The following CADPS variants were observed in gnomAD, a reference collection of about 807,000 sequenced individuals.
CADPS encodes calcium-dependent secretion activator 1.
In CADPS, 57 loss-of-function variants were observed where a neutral mutation model predicts 167.3. The ratio of observed to expected loss-of-function variants is 0.34; its 90% CI spans 0.28 to 0.42. CADPS has a LOEUF of 0.42. Among genes scored for constraint, CADPS ranks in the 20% least tolerant of loss-of-function variants. The probability of loss-of-function intolerance (pLI) is 1.00; values close to 1 mark genes in which losing one functional copy is unlikely to be tolerated. For missense variants in CADPS, 1,414 were observed against 1,738.1 expected (o/e 0.81, Z 3.32); for synonymous variants, 676 against 635.3 (o/e 1.06, Z -0.96).
At chr3:62,747,211 A>G (rs899244057) in intron 3 of CADPS, among the ~76,000 whole-genome samples, 1 of 152,248 alleles carries the variant, frequency 6.6e-6, no homozygotes, top group Non-Finnish European at 1.5e-5. Flanking sequence ...ACTACTTCCC[A>G]TCTCCAGATT....
intron 10 of CADPS, chr3:62,550,890 A>T (rs1198224365): frequency 2.2e-6 from 1 of 456,518 alleles, no homozygotes; most frequent in African/African-American, 2.0e-5. Context: ...TGCTTTCTTT[A>T]CTTAGCTTTC....
intron 6 of CADPS, among the ~76,000 whole-genome samples, chr3:62,624,265 C>T (rs972888965): frequency 3.3e-5 from 5 of 152,116 alleles, no homozygotes; most frequent in African/African-American, 1.2e-4. Flanking sequence ...TTGTATCTGA[C>T]TGCTTTGGTA....
intron 1 of CADPS, among the ~76,000 whole-genome samples, chr3:62,790,607 C>T (rs1454305351): frequency 1.3e-5 from 2 of 152,216 alleles, no homozygotes. Flanking sequence ...AGGACCAGTT[C>T]TAACTACCAA....
chr3:62,580,573 C>T (rs1229787775), intron 8 of CADPS, among the ~76,000 whole-genome samples: 1 of 143,174 alleles, frequency 7.0e-6, no homozygotes, highest in Non-Finnish European at 1.5e-5. Flanking sequence ...TACCATAAAA[C>T]TTAAAGTATA....
chr3:62,530,001 C>T (rs565694826), intron 13 of CADPS, among the ~76,000 whole-genome samples: 2 of 152,116 alleles, frequency 1.3e-5, no homozygotes, highest in South Asian at 2.1e-4. Context: ...TTCACCAATT[C>T]GCCAATTTAT....
intron 6 of CADPS, among the ~76,000 whole-genome samples, chr3:62,640,040 A>T (rs1338636778): frequency 1.3e-5 from 2 of 152,154 alleles, no homozygotes; most frequent in African/African-American, 4.8e-5. Context: ...CCTTACTTGA[A>T]TGTTTGATCC....
intron 6 of CADPS, among the ~76,000 whole-genome samples, chr3:62,594,846 G>C (rs976659244): frequency 1.3e-5 from 2 of 152,158 alleles, no homozygotes; most frequent in East Asian, 1.9e-4. Flanking sequence ...TTTCCACAAA[G>C]GCAGTGACTA....
At chr3:62,576,722 G>A (rs1452017748) in intron 8 of CADPS, among the ~76,000 whole-genome samples, 3 of 146,162 alleles carry the variant, frequency 2.1e-5, no homozygotes, top group African/African-American at 5.1e-5. Flanking sequence ...ACCTGGAAAC[G>A]GAGGTTGCAG....
At chr3:62,660,470 T>C (rs2072923396) in intron 4 of CADPS, among the ~76,000 whole-genome samples, 1 of 152,242 alleles carries the variant, frequency 6.6e-6, no homozygotes, top group African/African-American at 2.4e-5. Flanking sequence ...ATACTATTTT[T>C]AGCCACCAGG....
chr3:62,828,271 T>C (rs968973417), intron 1 of CADPS, among the ~76,000 whole-genome samples: 3 of 152,192 alleles, frequency 2.0e-5, no homozygotes, highest in Admixed American at 6.5e-5. Flanking sequence ...GGGCTCCAGA[T>C]GGCAATTCCA....
chr3:62,659,661 A>G (rs931745029), intron 4 of CADPS, among the ~76,000 whole-genome samples: 4 of 152,230 alleles, frequency 2.6e-5, no homozygotes, highest in African/African-American at 9.6e-5. Context: ...CCCACAGTCC[A>G]CAGGCCCTAC....
chr3:62,701,935 A>G (rs1042102272), intron 3 of CADPS, among the ~76,000 whole-genome samples: 2 of 152,162 alleles, frequency 1.3e-5, no homozygotes, highest in African/African-American at 4.8e-5. Context: ...GCAGATAGCT[A>G]TAGATTAAAA....
intron 21 of CADPS, among the ~76,000 whole-genome samples, chr3:62,484,346 G>C (rs767006174): frequency 6.6e-6 from 1 of 152,126 alleles, no homozygotes; most frequent in African/African-American, 2.4e-5. Flanking sequence ...ATGTGAAAAG[G>C]GGGAATTTTT....
At chr3:62,797,535 G>A (rs891695693) in intron 1 of CADPS, among the ~76,000 whole-genome samples, 1 of 152,104 alleles carries the variant, frequency 6.6e-6, no homozygotes, top group African/African-American at 2.4e-5. Flanking sequence ...GGAGCTGGAG[G>A]CCATTAGCCT....
chr3:62,747,629 A>G (rs912537648), intron 3 of CADPS, among the ~76,000 whole-genome samples: 4 of 152,364 alleles, frequency 2.6e-5, no homozygotes, highest in South Asian at 4.1e-4. Flanking sequence ...TAGCAGTTCA[A>G]TAATGATAGA....
chr3:62,667,895 G>A (rs2074769709), intron 3 of CADPS, among the ~76,000 whole-genome samples: 1 of 152,002 alleles, frequency 6.6e-6, no homozygotes. Flanking sequence ...GACCTCTAGG[G>A]GGATGAAGAA....
In CADPS at chr3:62,421,621, T is replaced by C. The variant is rs932478456; in HGVS notation, c.3777+16483A>G. On this transcript the variant is annotated intron_variant, in intron 28 of 29. Transcript: ENST00000383710. This position sits in a 1 kb window ranked among gnomAD's most constrained non-coding sequence, Gnocchi z 4.7. Reference sequence around the variant, plus strand: ...AGACTTTATTTTAACTTTGATTGGCTTCGTTCCCCCACCCCTCCTGACGCT... The same window carrying C: ...AGACTTTATTTTAACTTTGATTGGCCTCGTTCCCCCACCCCTCCTGACGCT... Among the ~76,000 whole-genome samples the C allele has an allele frequency of 6.6e-6, 1 of 152,228 alleles. No individual in the cohort carries two copies. The highest frequency in any genetic ancestry group is 1.5e-5 in the Non-Finnish European group (1 of 68,046).
At chr3:62,706,561 G>C (rs2082338731) in intron 3 of CADPS, among the ~76,000 whole-genome samples, 1 of 152,118 alleles carries the variant, frequency 6.6e-6, no homozygotes, top group Non-Finnish European at 1.5e-5. Context: ...CAAGATCAAG[G>C]TGTTGGCAGG....
intron 9 of CADPS, 51 bp from the exon 10 acceptor site, chr3:62,557,564 C>A: frequency 7.1e-7 from 1 of 1,398,982 alleles, no homozygotes; most frequent in Non-Finnish European, 1.0e-6. Flanking sequence ...CTGTCTTCTC[C>A]AAAAAACCCT....
Sources: allele counts gnomAD v4.1 joint callset (sites outside exome capture counted in the v4.1 genomes callset), GRCh38; gene constraint gnomAD v4.1.1; non-coding constraint Gnocchi (gnomAD v3.1); transcripts MANE v1.5; gene names NCBI Gene and HGNC (gene_info 2026-07-23, HGNC 2026-07-21).